VCF1: variants seen among roughly 807,000 people sequenced by gnomAD.
VCF1 encodes the protein VCP nuclear cofactor family member 1.
the VCF1 span, among the ~76,000 whole-genome samples, chr17:73,224,920 G>GACAGC: frequency 8.4e-6 from 1 of 119,532 alleles, no homozygotes; most frequent in East Asian, 2.4e-4. Context: ...GACAGGACAG[G>GACAGC]ACAGGACAGG....
chr17:73,220,850 A>G, the VCF1 span, among the ~76,000 whole-genome samples: 1 of 148,730 alleles, frequency 6.7e-6, no homozygotes, highest in Non-Finnish European at 1.5e-5. Flanking sequence ...AAAAAAATTG[A>G]GGTCTTTGTA....
chr17:73,224,457 A>C, the VCF1 span, among the ~76,000 whole-genome samples: 1 of 151,986 alleles, frequency 6.6e-6, no homozygotes, highest in Non-Finnish European at 1.5e-5. Flanking sequence ...AAACATAGGA[A>C]ATGGTTTCTC....
At chr17:73,225,896 T>TA in the VCF1 span, among the ~76,000 whole-genome samples, 1 of 72,596 alleles carries the variant, frequency 1.4e-5, no homozygotes, top group South Asian at 5.7e-4. Flanking sequence ...TATATATATA[T>TA]ATATTTTTTT....
chr17:73,227,503 G>C, the VCF1 span: 1 of 681,710 alleles, frequency 1.5e-6, no homozygotes, highest in South Asian at 5.8e-5. Flanking sequence ...TTTCTAAAAA[G>C]AAGCTTAACA....
At chr17:73,232,309 C>G in the VCF1 span, 928 of 1,573,140 alleles carry the variant, frequency 5.9e-4, 2 homozygotes, top group Middle Eastern at 1.0e-3. Flanking sequence ...CCCCCCATGT[C>G]GCTGCCGCCG....
the VCF1 span, among the ~76,000 whole-genome samples, chr17:73,224,955 G>C: frequency 0.012 from 955 of 79,704 alleles, 101 homozygotes; most frequent in Middle Eastern, 0.016. Context: ...CACAGCACAG[G>C]ACAGGACAGC....
At chr17:73,221,732 A>T in the VCF1 span, among the ~76,000 whole-genome samples, 1 of 152,174 alleles carries the variant, frequency 6.6e-6, no homozygotes, top group South Asian at 2.1e-4. Context: ...TCCACAAAAA[A>T]AATTTTAAAA....
chr17:73,228,117 C>T, the VCF1 span, among the ~76,000 whole-genome samples: 1 of 152,230 alleles, frequency 6.6e-6, no homozygotes, highest in African/African-American at 2.4e-5. Flanking sequence ...TTCTAGTGCT[C>T]AGTGGCCACG....
chr17:73,231,373 T>C, the VCF1 span, among the ~76,000 whole-genome samples: 2 of 152,154 alleles, frequency 1.3e-5, no homozygotes, highest in African/African-American at 2.4e-5. Flanking sequence ...CGGACTCTAG[T>C]AGTACATGTC....
the VCF1 span, among the ~76,000 whole-genome samples, chr17:73,230,533 T>G: frequency 6.6e-6 from 1 of 152,118 alleles, no homozygotes; most frequent in South Asian, 2.1e-4. Context: ...GTAGCTGGGA[T>G]GAAGGTGCCC....
At chr17:73,228,752 A>G in the VCF1 span, among the ~76,000 whole-genome samples, 1 of 152,204 alleles carries the variant, frequency 6.6e-6, no homozygotes, top group South Asian at 2.1e-4. Flanking sequence ...ATAAATTTGA[A>G]CCAAGAAACT....
the VCF1 span, among the ~76,000 whole-genome samples, chr17:73,221,832 G>A: frequency 6.6e-6 from 1 of 151,904 alleles, no homozygotes; most frequent in Non-Finnish European, 1.5e-5. Context: ...TCAAGAGATC[G>A]AGACCATTCT....
the VCF1 span, among the ~76,000 whole-genome samples, chr17:73,211,302 C>T: frequency 6.6e-6 from 1 of 151,524 alleles, no homozygotes; most frequent in Non-Finnish European, 1.5e-5. Flanking sequence ...CATGGCAAAA[C>T]CCCCATCTCC....
At chr17:73,221,831 C>T in the VCF1 span, among the ~76,000 whole-genome samples, 3 of 151,874 alleles carry the variant, frequency 2.0e-5, no homozygotes, top group Admixed American at 6.6e-5. Context: ...ATCAAGAGAT[C>T]GAGACCATTC....
chr17:73,225,889 ATATATATATATTTTTTTTT>A, the VCF1 span, among the ~76,000 whole-genome samples: 4 of 71,640 alleles, frequency 5.6e-5, no homozygotes, highest in Non-Finnish European at 1.1e-4. Context: ...TATAATATAT[ATATATATATATTTTTTTTT>A]TTTTTTTTTC....
the VCF1 span, chr17:73,232,299 C>A: frequency 1.3e-6 from 2 of 1,580,852 alleles, no homozygotes; most frequent in South Asian, 2.2e-5. Flanking sequence ...TGCTCCGCGC[C>A]CCCCCATGTC....
chr17:73,217,630 C>T, the VCF1 span, among the ~76,000 whole-genome samples: 1 of 150,548 alleles, frequency 6.6e-6, no homozygotes, highest in Non-Finnish European at 1.5e-5. Flanking sequence ...AGCCTGGCGA[C>T]AGAGTGAGAC....
At chr17:73,227,662 A>G in the VCF1 span, 5 of 986,194 alleles carry the variant, frequency 5.1e-6, no homozygotes, top group South Asian at 4.7e-5. Flanking sequence ...CCATATGACA[A>G]CATTTGATAT....
chr17:73,215,694 T>C, the VCF1 span, among the ~76,000 whole-genome samples: 1 of 152,212 alleles, frequency 6.6e-6, no homozygotes, highest in African/African-American at 2.4e-5. Context: ...GTGCTTACTA[T>C]GTACAAGGCG....
Sources: gnomAD v4.1 joint callset for allele counts (sites outside exome capture counted in the v4.1 genomes callset) on GRCh38, gnomAD v4.1.1 for gene constraint, MANE v1.5 for transcripts, NCBI Gene and HGNC (gene_info 2026-07-23, HGNC 2026-07-21) for gene names.